The following WLS variants were observed in gnomAD, a reference collection of about 807,000 sequenced individuals.
WLS encodes Wnt ligand secretion mediator.
Under a neutral mutation model 62.8 loss-of-function variants are expected in WLS, and 23 were observed. The observed-to-expected ratio is 0.37, with a 90% CI of 0.26 to 0.52. WLS has a LOEUF of 0.52. WLS is among the 20% of genes least tolerant of loss of function. WLS has a pLI of 0.92. For synonymous variants in WLS, 246 were observed against 244.1 expected (o/e 1.01, Z -0.07); for missense variants, 615 against 697.3 (o/e 0.88, Z 1.33).
At chr1:68,140,979 CA>C (rs1366791065) in intron 10 of WLS, among the ~76,000 whole-genome samples, 7 of 151,448 alleles carry the variant, frequency 4.6e-5, no homozygotes, top group African/African-American at 9.7e-5. Flanking sequence ...CCCCCTCCGC[CA>C]AACCCTCCCC....
chr1:68,178,289 C>T (rs1005991115), intron 2 of WLS, among the ~76,000 whole-genome samples: 2 of 152,176 alleles, frequency 1.3e-5, no homozygotes, highest in Non-Finnish European at 2.9e-5. Context: ...TTTTAATTCT[C>T]TCTCCATGAA....
intron 5 of WLS, among the ~76,000 whole-genome samples, 166 bp downstream of exon 5, chr1:68,153,351 T>G (rs529755772): frequency 6.6e-6 from 1 of 152,234 alleles, no homozygotes; most frequent in Admixed American, 6.5e-5. Flanking sequence ...TAATAACAAC[T>G]TGCATAGGAA....
At position 68,204,559 on chromosome 1, in the gene WLS, G is replaced by A. The variant is rs185986776; in HGVS notation, c.107-10332C>T. On this transcript the variant is annotated intron_variant, in intron 1 of 11. Transcript: ENST00000262348. ...CCTGACCTGGTGATCCGCCCGCCTG[G>A]GCCTCCCAAAGTGCTGGGATTACAG... Among the ~76,000 whole-genome samples the A allele has an allele frequency of 2.4e-3, 362 of 152,194 alleles. 2 individuals are homozygous for A. Among genetic ancestry groups the A allele is most frequent in the African/African-American group, 8.4e-3 (347 of 41,516 alleles).
chr1:68,119,730 A>G (rs1284262791), intron 11 of WLS, among the ~76,000 whole-genome samples: 1 of 152,234 alleles, frequency 6.6e-6, no homozygotes, highest in Non-Finnish European at 1.5e-5. Context: ...ACTTGCACAC[A>G]AATCCTTGTC....
Position 68,148,620 on chromosome 1 carries a change from T to A in WLS, c.1013A>T (p.Gln338Leu), listed in dbSNP as rs760112523. ...GGAGCCAACGGCAATGGGTCCGACT[T>A]GCTTCCAATACCCTGCGATGTGGTT... ...ERNHIAGYWK[Q>L]VGPIAVGSFC... Residue 338 changes from glutamine to leucine, a missense_variant, in exon 7 of 12, where the codon CAA becomes CTA. Transcript: ENST00000262348. 1.9e-6 allele frequency: 3 copies of A among 1,614,010 alleles called. No homozygotes were observed. In the African/African-American group the frequency reaches 4.0e-5, roughly 22 times the overall value.
intron 11 of WLS, among the ~76,000 whole-genome samples, chr1:68,126,560 T>G (rs1477374423): frequency 6.6e-6 from 1 of 152,214 alleles, no homozygotes; most frequent in Non-Finnish European, 1.5e-5. Context: ...TGACAGTCAT[T>G]AAGATACGTG....
chr1:68,213,237 G>T (rs1346466537), intron 1 of WLS, among the ~76,000 whole-genome samples: 1 of 152,024 alleles, frequency 6.6e-6, no homozygotes, highest in Non-Finnish European at 1.5e-5. Context: ...GATCACCTGA[G>T]GTCAGAAGTT....
In WLS at chr1:68,179,794, G is replaced by C. The variant is rs139264219; in HGVS notation, c.379+14161C>G. ...CCCACTCTGCCAGTCAACAATCACG[G>C]CTTCTCTGTGCACGTGTAGAATGAT... On this transcript the variant is annotated intron_variant, in intron 2 of 11. Coordinates refer to ENST00000262348, the MANE Select transcript of WLS (RefSeq NM_024911.7). Among the ~76,000 whole-genome samples, 441 of 152,266 alleles carry C rather than the reference G, an allele frequency of 2.9e-3. 8 individuals are homozygous for C. The highest frequency in any genetic ancestry group is 9.8e-3 in the African/African-American group (407 of 41,538).
intron 2 of WLS, among the ~76,000 whole-genome samples, chr1:68,186,152 G>A (rs1253358248): frequency 6.6e-6 from 1 of 152,084 alleles, no homozygotes; most frequent in Non-Finnish European, 1.5e-5. Flanking sequence ...TCTCCCAAAG[G>A]CACTGGCTTG....
chr1:68,101,743 A>G (rs927771279), intron 11 of WLS, among the ~76,000 whole-genome samples: 6 of 152,200 alleles, frequency 3.9e-5, no homozygotes, highest in African/African-American at 1.4e-4. Context: ...GAGTCTCCCA[A>G]TGGTGAAAGT....
rs779506116 is a variant in WLS, at chr1:68,126,312, C to T, written c.1540G>A (p.Glu514Lys). ...SNGDLGVHSG[E>K]ELQLTTTITH... ...ATAGTGGTGGTGAGCTGGAGTTCTT[C>T]CCCACTATGGACACCCAGATCGCCT... is the stretch of plus-strand genomic sequence containing the variant. The change falls in exon 12 of 12, where the codon GAA (glutamate) becomes AAA (lysine). Residue 514 changes from glutamate (E) to lysine (K), a missense_variant. Physicochemically the swap from Glu to Lys is moderately conservative, Grantham distance 56 (BLOSUM62 1). Transcript: ENST00000262348. 3.1e-6 allele frequency: 5 copies of T among 1,614,082 alleles called. No homozygotes were observed. The Admixed American group carries it at 5.0e-5, about 16-fold the overall frequency.
rs188542263 is a variant in WLS at position 68,196,995 on chromosome 1, G to A, written c.107-2768C>T. Among the ~76,000 whole-genome samples the A allele has an allele frequency of 2.9e-3, 434 of 152,110 alleles. 5 individuals are homozygous for A. The highest frequency in any genetic ancestry group is 3.0e-3 in the Non-Finnish European group (203 of 67,924). On this transcript the variant is annotated intron_variant, in intron 1 of 11. Transcript: ENST00000262348. ...GACAAAAGTCATGAATTCTATTTTC[G>A]GCTAACATACTCAAACTGACTATTT...
At chr1:68,230,538 C>A (rs1251380051) in intron 1 of WLS, among the ~76,000 whole-genome samples, 3 of 151,584 alleles carry the variant, frequency 2.0e-5, no homozygotes, top group Non-Finnish European at 2.9e-5. Context: ...TTGCATGTAG[C>A]CAAACAGAAG....
intron 11 of WLS, chr1:68,100,891 T>G (rs1209080866): frequency 6.6e-6 from 1 of 152,244 alleles, no homozygotes; most frequent in Non-Finnish European, 1.5e-5. Flanking sequence ...CAGCCCACCA[T>G]GAACATGGGA....
chr1:68,197,230 C>T (rs932523099), intron 1 of WLS, among the ~76,000 whole-genome samples: 10 of 151,976 alleles, frequency 6.6e-5, no homozygotes, highest in African/African-American at 2.2e-4. Context: ...TCACAAAGTC[C>T]GCATTTTTAA....
At chr1:68,199,624 C>G (rs956930935) in intron 1 of WLS, among the ~76,000 whole-genome samples, 4 of 152,078 alleles carry the variant, frequency 2.6e-5, no homozygotes, top group Non-Finnish European at 5.9e-5. Context: ...CTGTGTCCAC[C>G]CTTGCCTTTT....
At chr1:68,113,578 G>T (rs1570808782) in intron 11 of WLS, among the ~76,000 whole-genome samples, 1 of 152,270 alleles carries the variant, frequency 6.6e-6, no homozygotes, top group Non-Finnish European at 1.5e-5. Context: ...GCTGTAAAAG[G>T]GATGGCATGG....
intron 1 of WLS, among the ~76,000 whole-genome samples, chr1:68,205,933 A>G (rs1161820420): frequency 6.6e-6 from 1 of 152,242 alleles, no homozygotes; most frequent in Admixed American, 6.5e-5. Flanking sequence ...AAAAATGGTG[A>G]AAATCTTCTT....
At chr1:68,218,914 T>C (rs530310683) in intron 1 of WLS, among the ~76,000 whole-genome samples, 35 of 152,338 alleles carry the variant, frequency 2.3e-4, no homozygotes, top group African/African-American at 8.2e-4. Flanking sequence ...AGTACAACTG[T>C]AAATAAATCT....
Sources: gnomAD v4.1 joint callset for allele counts (sites outside exome capture counted in the v4.1 genomes callset) on GRCh38, gnomAD v4.1.1 for gene constraint, MANE v1.5 for transcripts, NCBI Gene and HGNC (gene_info 2026-07-23, HGNC 2026-07-21) for gene names.